The following UBE2E2 variants were observed in gnomAD, a reference collection of about 807,000 sequenced individuals.
UBE2E2 encodes the protein ubiquitin conjugating enzyme E2 E2.
In UBE2E2, 6 loss-of-function variants were observed where a neutral mutation model predicts 24.7. The observed-to-expected ratio is 0.24, with a 90% CI of 0.13 to 0.48. The LOEUF (loss-of-function observed/expected upper bound fraction) is 0.48, where lower values mean the gene tolerates loss of function less well. Ranked by LOEUF, UBE2E2 falls within the 20% of genes least tolerant of loss-of-function variation. UBE2E2 has a pLI of 0.99. For synonymous variants in UBE2E2, 104 were observed against 83.6 expected (o/e 1.24, Z -1.33); for missense variants, 169 against 245.0 (o/e 0.69, Z 2.07).
intron 3 of UBE2E2, among the ~76,000 whole-genome samples, chr3:23,438,773 A>G (rs1280868714): frequency 6.6e-6 from 1 of 152,256 alleles, no homozygotes; most frequent in African/African-American, 2.4e-5. Context: ...GAAACTTAAC[A>G]TAGTTCATAA....
intron 3 of UBE2E2, among the ~76,000 whole-genome samples, chr3:23,424,654 G>T (rs1266665533): frequency 6.6e-6 from 1 of 152,154 alleles, no homozygotes; most frequent in Non-Finnish European, 1.5e-5. Flanking sequence ...AATGTATTGT[G>T]TAAGAGGTTT....
intron 3 of UBE2E2, among the ~76,000 whole-genome samples, chr3:23,282,585 A>G (rs79369931): frequency 0.05 from 7,629 of 152,222 alleles, 676 homozygotes; most frequent in African/African-American, 0.17. Flanking sequence ...GAGTAATACT[A>G]CATTTGATTG....
At chr3:23,562,356 T>C (rs1029465373) in intron 5 of UBE2E2, among the ~76,000 whole-genome samples, 1 of 152,222 alleles carries the variant, frequency 6.6e-6, no homozygotes, top group Non-Finnish European at 1.5e-5. Context: ...GTTCTATTTA[T>C]ATGCTGGATT....
At chr3:23,319,605 G>C (rs1328220515) in intron 3 of UBE2E2, among the ~76,000 whole-genome samples, 1 of 151,900 alleles carries the variant, frequency 6.6e-6, no homozygotes, top group African/African-American at 2.4e-5. Flanking sequence ...TTGAGGTCAG[G>C]AGTTCAAGAC....
At chr3:23,524,502 C>T (rs1694946525) in intron 4 of UBE2E2, among the ~76,000 whole-genome samples, 1 of 152,116 alleles carries the variant, frequency 6.6e-6, no homozygotes, top group Non-Finnish European at 1.5e-5. Flanking sequence ...GAAACTGAAT[C>T]TCAAAGATGT....
chr3:23,462,129 C>T (rs1045327519), intron 3 of UBE2E2, among the ~76,000 whole-genome samples: 1 of 152,092 alleles, frequency 6.6e-6, no homozygotes, highest in Non-Finnish European at 1.5e-5. Context: ...AATGCCTCCC[C>T]AATGCTGTCA....
At position 23,308,508 on chromosome 3, in the gene UBE2E2, A is replaced by G. The variant is rs118136493; in HGVS notation, c.227+91196A>G. On this transcript the variant is annotated intron_variant, in intron 3 of 5. Coordinates refer to ENST00000396703, the MANE Select transcript of UBE2E2 (RefSeq NM_152653.4). ...TTAAGGTAATGAAAACAGTTTTGCT[A>G]TTGTTGACAATCATTATAAAATTGT... 6.4e-3 allele frequency among the ~76,000 whole-genome samples: 977 copies of G among 152,306 alleles called. 27 individuals carry two copies. The highest frequency in any genetic ancestry group is 0.047 in the Admixed American group (720 of 15,290).
chr3:23,214,883 T>C (rs1696432755), intron 2 of UBE2E2, among the ~76,000 whole-genome samples: 1 of 152,066 alleles, frequency 6.6e-6, no homozygotes, highest in Admixed American at 6.6e-5. Context: ...CTGTCTTTAG[T>C]CTTACTCCTT....
chr3:23,212,519 A>G (rs1405612758), intron 2 of UBE2E2, among the ~76,000 whole-genome samples: 1 of 152,092 alleles, frequency 6.6e-6, no homozygotes, highest in Non-Finnish European at 1.5e-5. Context: ...ATTTTATATC[A>G]TATTTATTCT....
At chr3:23,282,756 G>A (rs1301338128) in intron 3 of UBE2E2, among the ~76,000 whole-genome samples, 2 of 151,914 alleles carry the variant, frequency 1.3e-5, no homozygotes, top group African/African-American at 4.8e-5. Context: ...AGTAAACTTG[G>A]TTCAACTTTT....
At chr3:23,507,803 G>A (rs1355643314) in intron 4 of UBE2E2, among the ~76,000 whole-genome samples, 1 of 152,200 alleles carries the variant, frequency 6.6e-6, no homozygotes, top group Admixed American at 6.5e-5. Context: ...AGTATGAGGA[G>A]GAAAGAGATG....
rs906902798 is a variant in UBE2E2 at position 23,319,341 on chromosome 3, T to C, written c.227+102029T>C. Among the ~76,000 whole-genome samples the C allele has an allele frequency of 3.3e-5, 5 of 152,158 alleles. No individual in the cohort carries two copies. The South Asian group carries it at 1.0e-3, about 32-fold the overall frequency. ...AACTTAACATTCTTAGTGAGAACAG[T>C]TATAGGTGAACAAAATCTCCTTTAA... On this transcript the variant is annotated intron_variant, in intron 3 of 5. Coordinates refer to ENST00000396703, the MANE Select transcript of UBE2E2 (RefSeq NM_152653.4).
At chr3:23,234,433 T>A (rs375383020) in intron 3 of UBE2E2, among the ~76,000 whole-genome samples, 2 of 152,160 alleles carry the variant, frequency 1.3e-5, no homozygotes, top group African/African-American at 4.8e-5. Flanking sequence ...AATTCACTCA[T>A]TGACCTTCAG....
intron 3 of UBE2E2, among the ~76,000 whole-genome samples, chr3:23,370,441 CA>C (rs1431693058): frequency 6.6e-6 from 1 of 152,070 alleles, no homozygotes; most frequent in Non-Finnish European, 1.5e-5. Flanking sequence ...TAGTTTAGAA[CA>C]AAGTAAACCC....
intron 3 of UBE2E2, among the ~76,000 whole-genome samples, chr3:23,446,720 T>TTTTTTA (rs1553612084): frequency 1.4e-5 from 2 of 145,254 alleles, no homozygotes; most frequent in African/African-American, 2.6e-5. Context: ...TTTTTTTTTT[T>TTTTTTA]ATCCGTAGGG....
intron 5 of UBE2E2, among the ~76,000 whole-genome samples, chr3:23,587,338 C>A (rs368327079): frequency 5.9e-5 from 9 of 152,288 alleles, no homozygotes; most frequent in East Asian, 5.8e-4. Flanking sequence ...CCCTCCACCC[C>A]CTTTGAGCTG....
intron 3 of UBE2E2, among the ~76,000 whole-genome samples, chr3:23,416,787 A>T (rs1657578633): frequency 6.6e-6 from 1 of 151,832 alleles, no homozygotes; most frequent in South Asian, 2.1e-4. Flanking sequence ...TTCACGCTTT[A>T]TTTCATTGAG....
At chr3:23,292,559 C>T (rs1397328817) in intron 3 of UBE2E2, among the ~76,000 whole-genome samples, 1 of 152,110 alleles carries the variant, frequency 6.6e-6, no homozygotes, top group Non-Finnish European at 1.5e-5. Flanking sequence ...CTCCTAGGTG[C>T]CTCATAAATA....
chr3:23,541,358 G>A (rs1283109648), intron 5 of UBE2E2, among the ~76,000 whole-genome samples: 4 of 152,144 alleles, frequency 2.6e-5, no homozygotes, highest in Admixed American at 6.5e-5. Context: ...CTTCCAAAAT[G>A]TCAGATTAAT....
Sources: gnomAD v4.1 joint callset for allele counts (sites outside exome capture counted in the v4.1 genomes callset) on GRCh38, gnomAD v4.1.1 for gene constraint, MANE v1.5 for transcripts, NCBI Gene and HGNC (gene_info 2026-07-23, HGNC 2026-07-21) for gene names.